The following ZNF407 variants were observed in gnomAD, a reference collection of about 807,000 sequenced individuals.
ZNF407 encodes zinc finger protein 407.
A neutral mutation model predicts 131.2 loss-of-function variants in ZNF407; 17 were observed. The observed-to-expected ratio is 0.13, with a 90% CI of 0.09 to 0.19. The LOEUF (loss-of-function observed/expected upper bound fraction) is 0.19, where lower values mean the gene tolerates loss of function less well. Ranked by LOEUF, ZNF407 falls within the 10% of genes least tolerant of loss-of-function variation. ZNF407 has a pLI of 1.00. For missense variants in ZNF407, 2,681 were observed against 2,830.6 expected (o/e 0.95, Z 1.20); for synonymous variants, 1,156 against 1,062.0 (o/e 1.09, Z -1.72).
At position 74,633,170 on chromosome 18, in the gene ZNF407, T is replaced by A. The variant is rs766880586; in HGVS notation, c.2151T>A (p.Ser717=). The change falls in exon 2 of 9, where the codon TCT becomes TCA. Residue 717 remains serine (S), a synonymous_variant. Transcript: ENST00000299687. ...CKKCFYKTRS[S]TVLTRHIKLR... ...AGTGTTTTTATAAAACAAGATCTTC[T>A]ACTGTTCTCACGAGACATATAAAGC... 2 of 1,613,556 alleles carry A rather than the reference T, an allele frequency of 1.2e-6. No individual in the cohort carries two copies. Among genetic ancestry groups the A allele is most frequent in the South Asian group, 2.2e-5 (2 of 90,976 alleles).
chr18:74,777,453 GTTGGCCTCCTGTT>G (rs1969496493), intron 3 of ZNF407, among the ~76,000 whole-genome samples: 1 of 152,150 alleles, frequency 6.6e-6, no homozygotes, highest in Non-Finnish European at 1.5e-5. Flanking sequence ...AAGCAGTAGA[GTTGGCCTCCTGTT>G]CCACGGGCTC....
rs1290185637 is a variant in ZNF407, at chr18:74,869,743, A to G, written c.4878-7454A>G. ...CCACTGCCTGTTTCTGTCAAGTTTT[A>G]TTGGAACACAGCCACATTGATTTGT... On this transcript the variant is annotated intron_variant, in intron 4 of 8. Transcript: ENST00000299687. Among the ~76,000 whole-genome samples the G allele has an allele frequency of 3.9e-5, 6 of 152,266 alleles. No homozygotes were observed. The East Asian group carries it at 1.2e-3, about 29-fold the overall frequency.
chr18:74,903,555 TC>T, intron 7 of ZNF407, among the ~76,000 whole-genome samples: 1 of 147,806 alleles, frequency 6.8e-6, no homozygotes, highest in South Asian at 2.2e-4. Context: ...ATCTTTTTTT[TC>T]CTCAGAAGTT....
At chr18:74,788,646 TA>T (rs1159376165) in intron 4 of ZNF407, among the ~76,000 whole-genome samples, 1 of 150,364 alleles carries the variant, frequency 6.7e-6, no homozygotes, top group Non-Finnish European at 1.5e-5. Context: ...CACAGTTTAC[TA>T]CTTTAGTAGA....
intron 3 of ZNF407, among the ~76,000 whole-genome samples, chr18:74,749,091 G>C (rs1968737494): frequency 6.6e-6 from 1 of 152,174 alleles, no homozygotes; most frequent in African/African-American, 2.4e-5. Context: ...CTGTCATTAG[G>C]GGTGGCAGAT....
At chr18:74,956,799 G>A (rs1411688573) in intron 8 of ZNF407, among the ~76,000 whole-genome samples, 1 of 152,174 alleles carries the variant, frequency 6.6e-6, no homozygotes, top group Non-Finnish European at 1.5e-5. Context: ...GATCTCATCT[G>A]CATTCTCAGC....
intron 3 of ZNF407, among the ~76,000 whole-genome samples, chr18:74,670,657 A>G (rs910833721): frequency 6.6e-6 from 1 of 152,228 alleles, no homozygotes; most frequent in African/African-American, 2.4e-5. Context: ...TAAAAGATGC[A>G]TAACATAAAA....
intron 4 of ZNF407, among the ~76,000 whole-genome samples, chr18:74,863,784 C>T (rs1453209626): frequency 6.6e-6 from 1 of 152,136 alleles, no homozygotes; most frequent in African/African-American, 2.4e-5. Context: ...TGTATGTAAG[C>T]ATGATGGAAC....
At chr18:75,024,842 C>T (rs1459556130) in intron 8 of ZNF407, among the ~76,000 whole-genome samples, 5 of 152,142 alleles carry the variant, frequency 3.3e-5, no homozygotes, top group South Asian at 2.1e-4. Context: ...TCTGAAAATA[C>T]CCATATTCTT....
intron 8 of ZNF407, chr18:75,061,585 G>A (rs141071712): frequency 6.6e-6 from 1 of 152,508 alleles, no homozygotes; most frequent in South Asian, 2.1e-4. Flanking sequence ...CTTTGTACAG[G>A]ATAGATGACA....
At chr18:75,061,280 T>G (rs1195056731) in intron 8 of ZNF407, 1 of 152,210 alleles carries the variant, frequency 6.6e-6, no homozygotes, top group Non-Finnish European at 1.5e-5. Flanking sequence ...TATGGAAATG[T>G]TTGCTGTGGG....
At chr18:74,609,384 C>A (rs906273926) in intron 1 of ZNF407, among the ~76,000 whole-genome samples, 1 of 152,180 alleles carries the variant, frequency 6.6e-6, no homozygotes, top group African/African-American at 2.4e-5. Context: ...GTCTACCGCT[C>A]CTAGGCAACA....
chr18:74,920,728 A>T, intron 8 of ZNF407, 36 bp downstream of exon 8: 1 of 1,573,618 alleles, frequency 6.4e-7, no homozygotes, highest in Non-Finnish European at 8.7e-7. Context: ...TGTTTCTAAC[A>T]GGATTTCATG....
At chr18:74,623,337 TGTGTGA>T (rs1555716419) in intron 1 of ZNF407, among the ~76,000 whole-genome samples, 1 of 151,522 alleles carries the variant, frequency 6.6e-6, no homozygotes, top group Non-Finnish European at 1.5e-5. Flanking sequence ...TGAAACTGCA[TGTGTGA>T]GTGTGAGTGC....
chr18:74,854,715 A>G (rs571547134), intron 4 of ZNF407, among the ~76,000 whole-genome samples: 64 of 152,212 alleles, frequency 4.2e-4, no homozygotes, highest in African/African-American at 1.5e-3. Context: ...AATGCACTAC[A>G]CAGACACACA....
At position 74,634,291 on chromosome 18, in the gene ZNF407, C is replaced by T; in HGVS notation, c.3272C>T (p.Ser1091Phe). Residue 1091 changes from serine (S) to phenylalanine (F), a missense_variant, in exon 2 of 9, where the codon TCC becomes TTC. Coordinates refer to ENST00000299687, the MANE Select transcript of ZNF407 (RefSeq NM_017757.3). ...ANVEAGSADMSKNIIMPEEEH... is the reference protein window; with the variant it reads ...ANVEAGSADMFKNIIMPEEEH... ...GTAGAAGCTGGTTCTGCAGACATGT[C>T]CAAAAACATCATTATGCCTGAAGAA... 6.2e-7 allele frequency: 1 copy of T among 1,613,944 alleles called. No homozygotes were observed. The highest frequency in any genetic ancestry group is 8.5e-7 in the Non-Finnish European group (1 of 1,179,872).
intron 3 of ZNF407, among the ~76,000 whole-genome samples, chr18:74,754,598 T>C (rs966415734): frequency 6.6e-6 from 1 of 152,162 alleles, no homozygotes; most frequent in African/African-American, 2.4e-5. Context: ...GCCTTCATTT[T>C]GTTATGTACC....
rs751174474 is a variant in ZNF407 at position 74,703,708 on chromosome 18, T to G, written c.4802+62586T>G. On this transcript the variant is annotated intron_variant, in intron 3 of 8. Transcript: ENST00000299687. The surrounding 1 kb of genome is among the most constrained non-coding windows in gnomAD (Gnocchi z 4.1). ...CTATGAGATTGATTTTTTTTTTAAC[T>G]GAATATGGTAATGTTTTTAATACAT... Among the ~76,000 whole-genome samples the G allele has an allele frequency of 9.9e-5, 15 of 152,148 alleles. No homozygotes were observed. Among genetic ancestry groups the G allele is most frequent in the Non-Finnish European group, 1.9e-4 (13 of 68,016 alleles).
At chr18:74,782,539 C>T (rs1969623286) in intron 4 of ZNF407, among the ~76,000 whole-genome samples, 1 of 146,856 alleles carries the variant, frequency 6.8e-6, no homozygotes, top group Non-Finnish European at 1.5e-5. Context: ...GATTTCATCC[C>T]CTCCGCTCCC....
Sources: allele counts gnomAD v4.1 joint callset (sites outside exome capture counted in the v4.1 genomes callset), GRCh38; gene constraint gnomAD v4.1.1; non-coding constraint Gnocchi (gnomAD v3.1); transcripts MANE v1.5; gene names NCBI Gene and HGNC (gene_info 2026-07-23, HGNC 2026-07-21).